EIF4E3: variants seen among roughly 807,000 people sequenced by gnomAD.
EIF4E3 encodes eukaryotic translation initiation factor 4E type 3.
A neutral mutation model predicts 31.7 loss-of-function variants in EIF4E3; 26 were observed. The observed-to-expected ratio is 0.82, with a 90% confidence interval of 0.60 to 1.14. EIF4E3 has a LOEUF of 1.14. Among genes scored for constraint, EIF4E3 ranks in the 50% most tolerant of loss-of-function variants. The probability of loss-of-function intolerance (pLI) is 0.00; values close to 1 mark genes in which losing one functional copy is unlikely to be tolerated. For synonymous variants in EIF4E3, 128 were observed against 107.7 expected (o/e 1.19, Z -1.17); for missense variants, 304 against 270.9 (o/e 1.12, Z -0.86).
At chr3:71,686,174 G>A (rs992764003) in intron 6 of EIF4E3, among the ~76,000 whole-genome samples, 1 of 151,936 alleles carries the variant, frequency 6.6e-6, no homozygotes. Context: ...TTGATTGATA[G>A]AGACAGGGTT....
intron 1 of EIF4E3, among the ~76,000 whole-genome samples, chr3:71,738,573 C>T (rs1441229876): frequency 1.3e-5 from 2 of 152,092 alleles, no homozygotes; most frequent in African/African-American, 2.4e-5. Flanking sequence ...AAGGACATTA[C>T]ATAATTATAA....
Position 71,737,768 on chromosome 3 carries a change from AAAAC to A in EIF4E3, c.-290-9149_-290-9146del, listed in dbSNP as rs572309367. On this transcript the variant is annotated intron_variant, in intron 1 of 7. Transcript: ENST00000295612. ...TAGCAAGAACTCTCATCTCTACCAA[AAAAC>A]AAACAAACAAACAAACAAACAAAAA... Among the ~76,000 whole-genome samples the A allele has an allele frequency of 2.2e-3, 328 of 152,020 alleles. 3 individuals are homozygous for A. The highest frequency in any genetic ancestry group is 0.016 in the East Asian group (81 of 5,172).
chr3:71,725,781 T>C (rs2049630463), upstream of EIF4E3, among the ~76,000 whole-genome samples: 1 of 151,214 alleles, frequency 6.6e-6, no homozygotes, highest in Non-Finnish European at 1.5e-5. The surrounding 1 kb of genome is among the most constrained non-coding windows in gnomAD (Gnocchi z 6.1). Context: ...TAGGGACAGA[T>C]GGAGGGATGG....
chr3:71,754,754 C>G (rs771943435), upstream of EIF4E3: 6 of 1,348,306 alleles, frequency 4.5e-6, no homozygotes, highest in African/African-American at 1.5e-5. The surrounding 1 kb of genome is among the most constrained non-coding windows in gnomAD (Gnocchi z 5.8). Flanking sequence ...CGGGCGCCAC[C>G]GGCCAGGCGG....
At chr3:71,724,455 C>T (rs1341706813) in intron 1 of EIF4E3, among the ~76,000 whole-genome samples, 2 of 152,128 alleles carry the variant, frequency 1.3e-5, no homozygotes, top group African/African-American at 2.4e-5. Context: ...GAATACAAAA[C>T]GAGGGAGCAA....
chr3:71,692,318 C>G (rs1163132975), intron 5 of EIF4E3, among the ~76,000 whole-genome samples: 1 of 152,168 alleles, frequency 6.6e-6, no homozygotes, highest in Non-Finnish European at 1.5e-5. Flanking sequence ...AATGGAAGAG[C>G]TAATGGTTAA....
At chr3:71,753,975 C>G (rs1267435094), upstream of EIF4E3, 8 of 1,041,944 alleles carry the variant, frequency 7.7e-6, no homozygotes, top group Non-Finnish European at 9.2e-6. Context: ...CGGCGGAGCT[C>G]GGGCCGGGCG....
intron 6 of EIF4E3, among the ~76,000 whole-genome samples, chr3:71,686,673 T>C (rs766338091): frequency 2.0e-5 from 3 of 152,030 alleles, no homozygotes; most frequent in Non-Finnish European, 4.4e-5. Flanking sequence ...CAAGTAGAGG[T>C]ACCATAGAAC....
At chr3:71,712,663 G>A (rs1043545746) in intron 1 of EIF4E3, among the ~76,000 whole-genome samples, 10 of 150,236 alleles carry the variant, frequency 6.7e-5, no homozygotes, top group Admixed American at 4.6e-4. Context: ...GGGCTCAAAG[G>A]GAGGAAATAT....
At chr3:71,670,966 C>G (rs894760274), downstream of EIF4E3, among the ~76,000 whole-genome samples, 7 of 151,974 alleles carry the variant, frequency 4.6e-5, no homozygotes, top group Non-Finnish European at 1.0e-4. Flanking sequence ...CAAACCAAAA[C>G]AGCAATCCCC....
intron 5 of EIF4E3, among the ~76,000 whole-genome samples, chr3:71,692,975 T>C (rs919688144): frequency 3.9e-5 from 6 of 152,106 alleles, no homozygotes; most frequent in Non-Finnish European, 8.8e-5. Context: ...GCTCACGAGA[T>C]GAATCTGAAA....
chr3:71,665,755 G>A, the EIF4E3 span, among the ~76,000 whole-genome samples: 10 of 152,260 alleles, frequency 6.6e-5, no homozygotes, highest in South Asian at 1.0e-3. Context: ...CAGTCTCTCC[G>A]ACCACAGTGC....
intron 6 of EIF4E3, 120 bp downstream of exon 6, chr3:71,689,890 T>A: frequency 9.9e-7 from 1 of 1,011,404 alleles, no homozygotes. Context: ...TTTGTTGAAT[T>A]ATTTTCTGAA....
intron 1 of EIF4E3, among the ~76,000 whole-genome samples, chr3:71,720,981 C>T (rs958620343): frequency 6.6e-6 from 1 of 152,122 alleles, no homozygotes; most frequent in Non-Finnish European, 1.5e-5. Context: ...TTCTGAAAAA[C>T]TGGAAGTATG....
chr3:71,754,647 G>A, upstream of EIF4E3: 1 of 1,494,730 alleles, frequency 6.7e-7, no homozygotes, highest in Non-Finnish European at 8.9e-7. The surrounding 1 kb of genome is among the most constrained non-coding windows in gnomAD (Gnocchi z 5.8). Context: ...CACGCACCTC[G>A]TCTACCTCCG....
At chr3:71,661,625 T>C in the EIF4E3 span, among the ~76,000 whole-genome samples, 2 of 152,188 alleles carry the variant, frequency 1.3e-5, no homozygotes, top group African/African-American at 4.8e-5. Flanking sequence ...CTTGCAGTTT[T>C]ATGCATGAGG....
intron 1 of EIF4E3, among the ~76,000 whole-genome samples, chr3:71,739,007 T>TATAC (rs2049793593): frequency 7.2e-6 from 1 of 139,384 alleles, no homozygotes; most frequent in Non-Finnish European, 1.5e-5. Flanking sequence ...TATATATATA[T>TATAC]GGGTTAAAAA....
intron 2 of EIF4E3, among the ~76,000 whole-genome samples, chr3:71,700,391 T>G (rs1203718422): frequency 6.6e-6 from 1 of 152,096 alleles, no homozygotes; most frequent in Non-Finnish European, 1.5e-5. Context: ...ACTGAACATA[T>G]TTATAACTAT....
At chr3:71,747,358 T>C (rs544315807) in intron 1 of EIF4E3, among the ~76,000 whole-genome samples, 140 of 152,384 alleles carry the variant, frequency 9.2e-4, no homozygotes, top group South Asian at 2.5e-3. Context: ...ATGGTTTGAA[T>C]TGCATTGTCC....
Sources: allele counts gnomAD v4.1 joint callset (sites outside exome capture counted in the v4.1 genomes callset), GRCh38; gene constraint gnomAD v4.1.1; non-coding constraint Gnocchi (gnomAD v3.1); transcripts MANE v1.5; gene names NCBI Gene and HGNC (gene_info 2026-07-23, HGNC 2026-07-21).